The following WIPI1 variants were observed in gnomAD, a reference collection of about 807,000 sequenced individuals.
The protein encoded by WIPI1 is WD repeat domain phosphoinositide-interacting protein 1.
Under a neutral mutation model 55.3 loss-of-function variants are expected in WIPI1, and 45 were observed. The ratio of observed to expected loss-of-function variants is 0.81; its 90% CI spans 0.64 to 1.04. The LOEUF (loss-of-function observed/expected upper bound fraction) is 1.04. WIPI1 is among the 50% of genes least tolerant of loss of function. WIPI1 has a pLI of 0.00. For synonymous variants in WIPI1, 195 were observed against 217.6 expected, an observed-to-expected ratio of 0.90 and a Z score of 0.92; for missense variants, 445 against 559.0, an observed-to-expected ratio of 0.80 and a Z score of 2.06.
At chr17:68,433,360 A>C in intron 8 of WIPI1, 108 bp downstream of exon 8, 1 of 1,057,552 alleles carries the variant, frequency 9.5e-7, no homozygotes, top group South Asian at 1.4e-5. Context: ...TCCCAAGTGA[A>C]GCCAAGATTG....
At chr17:68,448,518 T>A (rs1420640076) in intron 3 of WIPI1, 6 of 152,132 alleles carry the variant, frequency 3.9e-5, no homozygotes, top group Admixed American at 2.6e-4. Flanking sequence ...TCACAGTTAA[T>A]GAGTATTATA....
chr17:68,433,419 C>T (rs1342300834), intron 8 of WIPI1, 49 bp downstream of exon 8: 3 of 1,514,014 alleles, frequency 2.0e-6, no homozygotes, highest in East Asian at 2.3e-5. Context: ...AGAGCCTAGG[C>T]CTGACTCCTT....
intron 8 of WIPI1, among the ~76,000 whole-genome samples, chr17:68,431,104 G>A (rs1390646172): frequency 1.3e-5 from 2 of 152,174 alleles, no homozygotes; most frequent in East Asian, 3.8e-4. Flanking sequence ...CCGGGCTGGG[G>A]TTTACAAAGA....
intron 3 of WIPI1, among the ~76,000 whole-genome samples, chr17:68,448,897 C>T (rs1600375001): frequency 6.6e-6 from 1 of 152,182 alleles, no homozygotes; most frequent in East Asian, 1.9e-4. Context: ...GCCAAGAATG[C>T]AGGTTTCTTT....
intron 4 of WIPI1, among the ~76,000 whole-genome samples, chr17:68,438,789 CAG>C (rs987381617): frequency 1.3e-5 from 2 of 152,174 alleles, no homozygotes; most frequent in African/African-American, 4.8e-5. Context: ...TCAGTAGAGA[CAG>C]GGTTTCACCA....
At chr17:68,450,588 C>A (rs1292031909) in intron 3 of WIPI1, 140 bp downstream of exon 3, 18 of 1,162,882 alleles carry the variant, frequency 1.5e-5, no homozygotes, top group Non-Finnish European at 2.1e-5. Context: ...ACAATACCCC[C>A]GGGACACGGG....
At chr17:68,431,471 A>G (rs2083508851) in intron 8 of WIPI1, among the ~76,000 whole-genome samples, 1 of 152,094 alleles carries the variant, frequency 6.6e-6, no homozygotes, top group Admixed American at 6.5e-5. Context: ...GCTCTGCAGC[A>G]GGTCTGACTC....
intron 10 of WIPI1, chr17:68,427,497 C>T: frequency 6.5e-6 from 2 of 307,322 alleles, no homozygotes; most frequent in South Asian, 3.9e-5. Flanking sequence ...GCTGCGACTA[C>T]AGGCACCCAC....
chr17:68,450,789 C>T lies in WIPI1; in HGVS notation c.272G>A (p.Gly91Asp). 1 of 1,613,872 alleles carries T rather than the reference C, an allele frequency of 6.2e-7. No homozygotes were observed. The highest frequency in any genetic ancestry group is 8.5e-7 in the Non-Finnish European group (1 of 1,179,864). ...GTAGCTGTAATTACAGATCTCTGTG[C>T]CTTTCTTGAAGTGATACACGTTCAT... ...RQMNVYHFKK[G>D]TEICNYSYSS... Residue 91 changes from glycine to aspartate, a missense_variant, in exon 3 of 13, where the codon GGC becomes GAC. By Grantham distance (94) the Gly-to-Asp change is moderately conservative (BLOSUM62 -1). Transcript: ENST00000262139.
At chr17:68,445,140 G>A (rs1325546297) in intron 3 of WIPI1, among the ~76,000 whole-genome samples, 8 of 151,980 alleles carry the variant, frequency 5.3e-5, no homozygotes, top group Non-Finnish European at 4.4e-5. Context: ...GGCTGGTCTC[G>A]AACTCCCGAC....
At chr17:68,434,839 T>C (rs1004793000) in intron 6 of WIPI1, among the ~76,000 whole-genome samples, 9 of 152,234 alleles carry the variant, frequency 5.9e-5, no homozygotes, top group African/African-American at 2.2e-4. Context: ...CCCTTCCACC[T>C]GTGCCCAAGG....
intron 4 of WIPI1, 43 bp from the exon 5 acceptor site, chr17:68,436,522 G>T: frequency 6.3e-7 from 1 of 1,582,336 alleles, no homozygotes; most frequent in Non-Finnish European, 8.7e-7. Context: ...GGGGCCAAGG[G>T]AGAGATTGCA....
chr17:68,436,080 A>G (rs1018935650), intron 5 of WIPI1, among the ~76,000 whole-genome samples: 1 of 152,236 alleles, frequency 6.6e-6, no homozygotes, highest in African/African-American at 2.4e-5. Flanking sequence ...AAACACCTGC[A>G]CACTGTCTCA....
chr17:68,427,927 T>A (rs752709361), intron 10 of WIPI1, among the ~76,000 whole-genome samples: 3 of 152,202 alleles, frequency 2.0e-5, no homozygotes, highest in Admixed American at 6.5e-5. Flanking sequence ...TCTCACTCTG[T>A]TGCCCAGGCT....
Position 68,427,034 on chromosome 17 carries a change from C to T in WIPI1, c.1192+101G>A, listed in dbSNP as rs952646494. 1.8e-5 allele frequency: 18 copies of T among 982,596 alleles called. No individual in the cohort carries two copies. The African/African-American group carries it at 2.7e-4, about 15-fold the overall frequency. The allele number at this position is 982,596 out of a possible 1,614,324, so 60.9% of individuals were successfully genotyped here. On this transcript the variant is annotated intron_variant, in intron 11 of 12. Transcript: ENST00000262139. ...GGGAAGGGGAGGGAGGGCACTCCAC[C>T]CCCAGGTAACAGTGAAGGGGGAAGG...
intron 4 of WIPI1, among the ~76,000 whole-genome samples, chr17:68,442,706 TGC>T (rs1343736745): frequency 6.6e-6 from 1 of 152,194 alleles, no homozygotes; most frequent in African/African-American, 2.4e-5. Context: ...TCAAGCTCTA[TGC>T]AGATTCAGGG....
intron 12 of WIPI1, 47 bp downstream of exon 12, chr17:68,426,028 C>A: frequency 6.6e-7 from 1 of 1,526,328 alleles, no homozygotes; most frequent in Non-Finnish European, 9.1e-7. Context: ...AGGTTTCCTT[C>A]TAAGCACACA....
intron 1 of WIPI1, 150 bp from the exon 2 acceptor site, chr17:68,453,142 A>G (rs1321532990): frequency 3.5e-6 from 2 of 571,522 alleles, no homozygotes; most frequent in African/African-American, 1.9e-5. Context: ...CTAAATGGTG[A>G]CGCATGTCTT....
Position 68,421,638 on chromosome 17 carries a change from G to A in WIPI1, c.*135C>T. ...GGTGAGGAGTTAACCAGGTCCTGTGGTTTAAGCAGTGGAGCACCCGGGATT... is the reference window on the plus strand; with the variant it reads ...GGTGAGGAGTTAACCAGGTCCTGTGATTTAAGCAGTGGAGCACCCGGGATT... On this transcript the variant is annotated 3_prime_UTR_variant, in exon 13 of 13. Coordinates refer to ENST00000262139, the MANE Select transcript of WIPI1 (RefSeq NM_017983.7). 1.5e-6 allele frequency: 2 copies of A among 1,291,290 alleles called. No homozygotes were observed. Among genetic ancestry groups the A allele is most frequent in the South Asian group, 2.5e-5 (2 of 81,330 alleles). The allele number at this position is 1,291,290 out of a possible 1,614,324, so 80.0% of individuals were successfully genotyped here. A position where few individuals can be genotyped will look rare whatever the true frequency, so the allele number is the denominator to read the frequency against.
Sources: gnomAD v4.1 joint callset for allele counts (sites outside exome capture counted in the v4.1 genomes callset) on GRCh38, gnomAD v4.1.1 for gene constraint, MANE v1.5 for transcripts, NCBI Gene and HGNC (gene_info 2026-07-23, HGNC 2026-07-21) for gene names.